The following CNTLN variants were observed in gnomAD, a reference collection of about 807,000 sequenced individuals.
CNTLN encodes centlein.
A neutral mutation model predicts 180.0 loss-of-function variants in CNTLN; 212 were observed. The ratio of observed to expected loss-of-function variants is 1.18; its 90% CI spans 1.05 to 1.32. The LOEUF (loss-of-function observed/expected upper bound fraction) is 1.32. Among genes scored for constraint, CNTLN ranks in the 40% most tolerant of loss-of-function variants. The pLI, the probability that CNTLN is intolerant of heterozygous loss-of-function variation, is 0.00. For missense variants in CNTLN, 2,095 were observed against 1,610.9 expected (o/e 1.30, Z -5.14); for synonymous variants, 722 against 563.1 (o/e 1.28, Z -3.99).
At chr9:17,482,639 G>A (rs112214841) in intron 23 of CNTLN, among the ~76,000 whole-genome samples, 1 of 152,108 alleles carries the variant, frequency 6.6e-6, no homozygotes, top group African/African-American at 2.4e-5. Context: ...AGCAAGAACA[G>A]CAAGAAAAAT....
At chr9:17,161,177 A>G (rs1011844619) in intron 2 of CNTLN, among the ~76,000 whole-genome samples, 1 of 152,140 alleles carries the variant, frequency 6.6e-6, no homozygotes, top group Admixed American at 6.5e-5. Context: ...GAATAATATC[A>G]TACTAGAAAA....
At chr9:17,150,880 G>A (rs895905209) in intron 2 of CNTLN, among the ~76,000 whole-genome samples, 1 of 152,138 alleles carries the variant, frequency 6.6e-6, no homozygotes, top group Non-Finnish European at 1.5e-5. Context: ...TTTGTAAGTT[G>A]TATTCCTAGG....
At chr9:17,350,773 G>T (rs1178511279) in intron 12 of CNTLN, among the ~76,000 whole-genome samples, 1 of 151,980 alleles carries the variant, frequency 6.6e-6, no homozygotes, top group Non-Finnish European at 1.5e-5. Flanking sequence ...CCATCATGAG[G>T]ACCCCTTTCT....
intron 20 of CNTLN, among the ~76,000 whole-genome samples, chr9:17,464,157 T>C (rs1045496093): frequency 6.6e-6 from 1 of 151,464 alleles, no homozygotes; most frequent in Non-Finnish European, 1.5e-5. Context: ...ATTATCTTCA[T>C]ATATCACTTT....
At chr9:17,289,718 T>G in intron 6 of CNTLN, among the ~76,000 whole-genome samples, 1 of 141,936 alleles carries the variant, frequency 7.0e-6, no homozygotes, top group Non-Finnish European at 1.5e-5. Flanking sequence ...CTTTTTATTC[T>G]TTTTTCTCTA....
chr9:17,375,826 T>C (rs940457560), intron 13 of CNTLN, among the ~76,000 whole-genome samples: 1 of 152,166 alleles, frequency 6.6e-6, no homozygotes, highest in African/African-American at 2.4e-5. Context: ...ACTGCTCAAA[T>C]TGCAAGAGGA....
At chr9:17,508,874 T>C (rs1010572131), downstream of CNTLN, among the ~76,000 whole-genome samples, 2 of 152,222 alleles carry the variant, frequency 1.3e-5, no homozygotes, top group African/African-American at 4.8e-5. Context: ...GGAAAGAATA[T>C]GATTGAAAAA....
intron 12 of CNTLN, among the ~76,000 whole-genome samples, chr9:17,347,063 G>GTAT (rs1225822816): frequency 6.6e-6 from 1 of 152,038 alleles, no homozygotes; most frequent in Non-Finnish European, 1.5e-5. Flanking sequence ...TTTCCATTGG[G>GTAT]TTCTTCTTTA....
intron 2 of CNTLN, among the ~76,000 whole-genome samples, chr9:17,152,385 A>G (rs552224216): frequency 3.9e-5 from 6 of 152,290 alleles, no homozygotes; most frequent in East Asian, 1.9e-4. Flanking sequence ...GTGTCAAAGA[A>G]TATCTTTATT....
intron 2 of CNTLN, among the ~76,000 whole-genome samples, chr9:17,150,988 A>G (rs915946750): frequency 2.6e-5 from 4 of 152,184 alleles, no homozygotes; most frequent in South Asian, 2.1e-4. Flanking sequence ...ATTTTCGCAC[A>G]TTGATTTTGT....
At chr9:17,281,622 C>A (rs1457285399) in intron 6 of CNTLN, among the ~76,000 whole-genome samples, 2 of 152,072 alleles carry the variant, frequency 1.3e-5, no homozygotes. Context: ...CATCTCGTTC[C>A]TTTTTATGGC....
rs765713422 is a variant in CNTLN at position 17,330,746 on chromosome 9, A to G, written c.1456A>G (p.Ile486Val). The G allele has an allele frequency of 5.6e-6, 9 of 1,611,906 alleles. No individual in the cohort carries two copies. The highest frequency in any genetic ancestry group is 4.4e-5 in the South Asian group (4 of 90,764). Residue 486 changes from isoleucine to valine, a missense_variant, in exon 9 of 26, where the codon ATA becomes GTA. By Grantham distance (29) the Ile-to-Val change is conservative (BLOSUM62 3). Coordinates refer to ENST00000380647, the MANE Select transcript of CNTLN (RefSeq NM_017738.4). Reference protein sequence around the residue: ...KIANEKLSENISANKGFSRKS... With the variant: ...KIANEKLSENVSANKGFSRKS... ...AGCAAATGAAAAACTGTCAGAAAAC[A>G]TATCTGCCAACAAGGGTTTCTCCCG...
intron 13 of CNTLN, among the ~76,000 whole-genome samples, chr9:17,370,843 G>A (rs1824259537): frequency 6.6e-6 from 1 of 152,120 alleles, no homozygotes; most frequent in South Asian, 2.1e-4. Context: ...GCTTGTTTAT[G>A]CAAGCAGTGT....
chr9:17,507,593 A>T (rs1365224733), downstream of CNTLN, among the ~76,000 whole-genome samples: 3 of 152,212 alleles, frequency 2.0e-5, no homozygotes, highest in African/African-American at 7.2e-5. Flanking sequence ...CCATGCACGT[A>T]ACTGCCTTTG....
chr9:17,410,706 G>A (rs538407344), intron 16 of CNTLN, among the ~76,000 whole-genome samples: 1 of 152,148 alleles, frequency 6.6e-6, no homozygotes, highest in Admixed American at 6.5e-5. Flanking sequence ...TCACATCAAT[G>A]TCTAGCATTG....
Position 17,289,895 on chromosome 9 carries a change from T to C in CNTLN, c.984-8295T>C, listed in dbSNP as rs373361931. Among the ~76,000 whole-genome samples the C allele has an allele frequency of 1.9e-3, 249 of 133,326 alleles. 17 individuals are homozygous for C. The East Asian group carries it at 0.045, about 24-fold the overall frequency. The allele number at this position is 133,326 out of a possible 152,430, so 87.5% of individuals were successfully genotyped here. A position where few individuals can be genotyped will look rare whatever the true frequency, so the allele number is the denominator to read the frequency against. On this transcript the variant is annotated intron_variant, in intron 6 of 25. Coordinates refer to ENST00000380647, the MANE Select transcript of CNTLN (RefSeq NM_017738.4). ...AAGCACTTCTCTGTATTGGTTATTC[T>C]AGGTATACATTCTTCTAAATTTTTT...
intron 2 of CNTLN, among the ~76,000 whole-genome samples, chr9:17,188,140 A>C (rs1487279659): frequency 6.6e-6 from 1 of 151,776 alleles, no homozygotes; most frequent in Non-Finnish European, 1.5e-5. Flanking sequence ...AGAATTAACA[A>C]AGTGTAATGT....
Position 17,330,798 on chromosome 9 carries a change from G to A in CNTLN, c.1508G>A (p.Gly503Glu), listed in dbSNP as rs1372993273. ...AAGAGCATCATGACAAGTGCTGAAG[G>A]AAAACATAAGGTAGGGACATTTTGT... ...SRKSIMTSAE[G>E]KHKEPPVKRS... The change falls in exon 9 of 26, where the codon GGA (glycine) becomes GAA (glutamate). Residue 503 changes from glycine to glutamate, a missense_variant. Coordinates refer to ENST00000380647, the MANE Select transcript of CNTLN (RefSeq NM_017738.4). 2 of 1,606,082 alleles carry A rather than the reference G, an allele frequency of 1.2e-6. No individual in the cohort carries two copies. Among genetic ancestry groups the A allele is most frequent in the East Asian group, 2.3e-5 (1 of 44,358 alleles).
chr9:17,382,917 G>GA (rs1315699653), intron 13 of CNTLN, among the ~76,000 whole-genome samples: 1 of 152,002 alleles, frequency 6.6e-6, no homozygotes, highest in Non-Finnish European at 1.5e-5. Context: ...CCCTGGAACT[G>GA]AAAAATCAGC....
Sources: allele counts gnomAD v4.1 joint callset (sites outside exome capture counted in the v4.1 genomes callset), GRCh38; gene constraint gnomAD v4.1.1; transcripts MANE v1.5; gene names NCBI Gene and HGNC (gene_info 2026-07-23, HGNC 2026-07-21).